GATAD2A: variants seen among roughly 807,000 people sequenced by gnomAD.
The protein encoded by GATAD2A is transcriptional repressor p66-alpha.
A neutral mutation model predicts 68.5 loss-of-function variants in GATAD2A; 12 were observed. That is an observed-to-expected ratio of 0.18 (90% CI 0.11 to 0.28). The LOEUF is 0.28. Ranked by LOEUF, GATAD2A falls within the 10% of genes least tolerant of loss-of-function variation. The probability of loss-of-function intolerance (pLI) is 1.00; values close to 1 mark genes in which losing one functional copy is unlikely to be tolerated. For synonymous variants in GATAD2A, 410 were observed against 375.3 expected, an observed-to-expected ratio of 1.09 and a Z score of -1.07; for missense variants, 755 against 868.5, an observed-to-expected ratio of 0.87 and a Z score of 1.64.
chr19:19,490,162 C>G (rs1048407824), intron 2 of GATAD2A, among the ~76,000 whole-genome samples: 3 of 152,132 alleles, frequency 2.0e-5, no homozygotes, highest in Non-Finnish European at 2.9e-5. Flanking sequence ...CTGTCCACGC[C>G]CAGGTCTCTG....
chr19:19,393,570 C>G (rs994585020), intron 1 of GATAD2A, among the ~76,000 whole-genome samples: 7 of 152,178 alleles, frequency 4.6e-5, no homozygotes, highest in Non-Finnish European at 1.5e-5. Context: ...CAGAAGCTTA[C>G]ATCTTAGTTG....
upstream of GATAD2A, among the ~76,000 whole-genome samples, chr19:19,401,481 G>A (rs140529960): frequency 0.016 from 2,467 of 152,086 alleles, 78 homozygotes; most frequent in South Asian, 0.084. Context: ...CCAAAGTGCT[G>A]GGATTACAGG....
intron 1 of GATAD2A, among the ~76,000 whole-genome samples, chr19:19,407,845 A>G (rs1415551265): frequency 6.6e-6 from 1 of 152,230 alleles, no homozygotes; most frequent in Non-Finnish European, 1.5e-5. Context: ...GAAATTTGCA[A>G]GGGATTTTCT....
At chr19:19,386,682 G>A (rs1022857448) in intron 1 of GATAD2A, among the ~76,000 whole-genome samples, 2 of 151,984 alleles carry the variant, frequency 1.3e-5, no homozygotes, top group African/African-American at 4.8e-5. Context: ...TCTCTCCGAG[G>A]GGAGCCCTGT....
chr19:19,500,260 G>A (rs932969997), intron 8 of GATAD2A, among the ~76,000 whole-genome samples: 1 of 152,216 alleles, frequency 6.6e-6, no homozygotes, highest in African/African-American at 2.4e-5. Context: ...AAGGAGATGT[G>A]CCGTTGTCAC....
intron 5 of GATAD2A, 22 bp downstream of exon 5, chr19:19,494,405 C>T: frequency 6.9e-7 from 1 of 1,447,292 alleles, no homozygotes; most frequent in Non-Finnish European, 9.7e-7. Context: ...TTCTGCGTCT[C>T]ACTGGGTGCC....
chr19:19,441,117 A>G (rs1674617162), intron 1 of GATAD2A, among the ~76,000 whole-genome samples: 3 of 149,498 alleles, frequency 2.0e-5, no homozygotes, highest in South Asian at 2.1e-4. Context: ...ATCTCGGCTC[A>G]CTGCAACCTC....
In GATAD2A at chr19:19,495,632, C is replaced by CT; in HGVS notation, c.625-120dup. 1.4e-5 allele frequency: 9 copies of CT among 664,688 alleles called. No individual in the cohort carries two copies. In the African/African-American group the frequency reaches 1.4e-4, roughly 10 times the overall value. 41.2% of individuals were successfully genotyped at this position (664,688 alleles called of 1,614,324 possible). ...ATAATTTTCTTTAACTTCTCTGCTA[C>CT]TTAAAAAAAAAAAAAAAAAAAAACT... is the stretch of plus-strand genomic sequence containing the variant. On this transcript the variant is annotated intron_variant, in intron 5 of 11. Transcript: ENST00000683918.
At chr19:19,393,389 T>C (rs1209868980) in intron 1 of GATAD2A, among the ~76,000 whole-genome samples, 2 of 152,236 alleles carry the variant, frequency 1.3e-5, no homozygotes, top group East Asian at 3.8e-4. Context: ...GTGTGTTTTC[T>C]AGTGCAATTT....
chr19:19,422,578 G>A (rs1338161632), intron 1 of GATAD2A, among the ~76,000 whole-genome samples: 1 of 152,178 alleles, frequency 6.6e-6, no homozygotes, highest in Admixed American at 6.5e-5. Flanking sequence ...ACAGTTGACA[G>A]TTCTGTGAAA....
At chr19:19,386,330 T>C (rs2048415084) in intron 1 of GATAD2A, among the ~76,000 whole-genome samples, 1 of 150,668 alleles carries the variant, frequency 6.6e-6, no homozygotes, top group African/African-American at 2.4e-5. Context: ...AGACCCCGTC[T>C]CTCTTAGGGA....
At chr19:19,418,845 G>A (rs961598274) in intron 1 of GATAD2A, among the ~76,000 whole-genome samples, 43 of 152,058 alleles carry the variant, frequency 2.8e-4, no homozygotes, top group Admixed American at 2.4e-3. Context: ...TGTGGTCGCC[G>A]GAAGGAAAAG....
chr19:19,437,678 T>C (rs1184046451), intron 1 of GATAD2A, among the ~76,000 whole-genome samples: 3 of 152,248 alleles, frequency 2.0e-5, no homozygotes, highest in South Asian at 2.1e-4. Context: ...TGGACTCTTA[T>C]ACTTGTGTAA....
At chr19:19,493,228 T>G (rs1295845506) in intron 4 of GATAD2A, among the ~76,000 whole-genome samples, 1 of 152,256 alleles carries the variant, frequency 6.6e-6, no homozygotes, top group East Asian at 1.9e-4. Context: ...CGTGAGCCAC[T>G]GTGCCCGCCC....
intron 7 of GATAD2A, among the ~76,000 whole-genome samples, chr19:19,497,849 C>T (rs2060253701): frequency 1.3e-5 from 2 of 152,184 alleles, no homozygotes; most frequent in South Asian, 2.1e-4. Context: ...AGGGTCTGCT[C>T]CTGGGATCCA....
At chr19:19,482,191 C>T in intron 2 of GATAD2A, among the ~76,000 whole-genome samples, 1 of 152,058 alleles carries the variant, frequency 6.6e-6, no homozygotes, top group East Asian at 1.9e-4. Flanking sequence ...ATCACTTGAG[C>T]CCAGGAGTTT....
At chr19:19,492,475 T>C (rs894283376) in intron 3 of GATAD2A, 37 bp downstream of exon 3, 1 of 1,613,540 alleles carries the variant, frequency 6.2e-7, no homozygotes, top group Non-Finnish European at 8.5e-7. Flanking sequence ...GGAGCCCCAC[T>C]GTGCCCTTCC....
intron 1 of GATAD2A, among the ~76,000 whole-genome samples, chr19:19,439,220 A>G (rs1245824240): frequency 6.6e-6 from 1 of 152,172 alleles, no homozygotes. Flanking sequence ...CTGTTCATGG[A>G]CTTGGTGTCT....
intron 10 of GATAD2A, 78 bp from the exon 11 acceptor site, chr19:19,502,253 A>G: frequency 8.4e-7 from 1 of 1,190,340 alleles, no homozygotes; most frequent in Non-Finnish European, 1.2e-6. Context: ...AGCCAGAGCA[A>G]GGAGAGGCTG....
Sources: allele counts gnomAD v4.1 joint callset (sites outside exome capture counted in the v4.1 genomes callset), GRCh38; gene constraint gnomAD v4.1.1; transcripts MANE v1.5; gene names NCBI Gene and HGNC (gene_info 2026-07-23, HGNC 2026-07-21).